CFAP251: variants seen among roughly 807,000 people sequenced by gnomAD.
CFAP251 encodes cilia and flagella associated protein 251.
CFAP251 carries 93 observed loss-of-function variants against 126.7 expected under a neutral mutation model. The observed-to-expected ratio is 0.73, with a 90% CI of 0.62 to 0.87. CFAP251 has a LOEUF of 0.87. CFAP251 is among the 40% of genes least tolerant of loss of function. The pLI is 0.00. For synonymous variants in CFAP251, 503 were observed against 506.9 expected, an observed-to-expected ratio of 0.99 and a Z score of 0.10; for missense variants, 1,287 against 1,389.2, an observed-to-expected ratio of 0.93 and a Z score of 1.17.
chr12:121,966,161 C>T (rs867490320), intron 15 of CFAP251, among the ~76,000 whole-genome samples: 2 of 30,042 alleles, frequency 6.7e-5, no homozygotes, highest in South Asian at 2.6e-3. Flanking sequence ...CCCCTCCCCT[C>T]CCCTCCCCTT....
intron 19 of CFAP251, among the ~76,000 whole-genome samples, chr12:121,980,313 G>A (rs1882588642): frequency 6.6e-6 from 1 of 152,110 alleles, no homozygotes; most frequent in Non-Finnish European, 1.5e-5. Context: ...AATGAGTGCA[G>A]CAGTCGCACC....
rs71082922 is a variant in CFAP251, at chr12:121,979,563, C to CTTTTTTTTTTTTTTTTTTTT, written c.3006+3897_3006+3898insTTTTTTTTTTTTTTTTTTTT. Among the ~76,000 whole-genome samples the CTTTTTTTTTTTTTTTTTTTT allele has an allele frequency of 1.5e-4, 13 of 84,998 alleles. 1 individual carries two copies. Among genetic ancestry groups the CTTTTTTTTTTTTTTTTTTTT allele is most frequent in the Admixed American group, 3.0e-4 (2 of 6,590 alleles). 55.8% of individuals were successfully genotyped at this position (84,998 alleles called of 152,430 possible). A position where few individuals can be genotyped will look rare whatever the true frequency, so the allele number is the denominator to read the frequency against. ...GAGATCATTAGTCAGCTTTCTTCTT[C>CTTTTTTTTTTTTTTTTTTTT]TTTTTTTTTTTTTTTTTTTGAGACA... On this transcript the variant is annotated intron_variant, in intron 19 of 21. Transcript: ENST00000288912.
Position 121,967,076 on chromosome 12 carries a change from G to T in CFAP251, c.2607+7G>T, listed in dbSNP as rs955149343. The T allele has an allele frequency of 6.2e-7, 1 of 1,611,374 alleles. No individual in the cohort carries two copies. The highest frequency in any genetic ancestry group is 1.3e-5 in the African/African-American group (1 of 74,876). On this transcript the variant is annotated splice_region_variant and intron_variant, in intron 16 of 21. Coordinates refer to ENST00000288912, the MANE Select transcript of CFAP251 (RefSeq NM_144668.6). ...GTTTATTAACAGAGACAAGGTAACA[G>T]CGCTCTCTTCTCCAGTTCTGGGAGT...
intron 19 of CFAP251, among the ~76,000 whole-genome samples, chr12:121,985,649 T>A (rs1396240823): frequency 6.6e-6 from 1 of 151,746 alleles, no homozygotes; most frequent in Non-Finnish European, 1.5e-5. Flanking sequence ...AATATTGAGA[T>A]GGAGTCTCAC....
At chr12:121,931,559 C>T (rs550948907) in intron 3 of CFAP251, among the ~76,000 whole-genome samples, 187 bp from the exon 4 acceptor site, 2 of 152,214 alleles carry the variant, frequency 1.3e-5, no homozygotes, top group South Asian at 4.2e-4. Context: ...GTAATCCACC[C>T]GCCTCAGCCT....
intron 17 of CFAP251, chr12:121,969,352 G>A: frequency 1.0e-6 from 1 of 985,370 alleles, no homozygotes. Flanking sequence ...GAGGATTTAG[G>A]AGCTGGAGGT....
In CFAP251 at chr12:121,928,670, G is replaced by GTATATA. The variant is rs373937834; in HGVS notation, c.748-3063_748-3058dup. ...TATATATATATACGTATATATATAC[G>GTATATA]TATATATATATATATATACGTATAT... On this transcript the variant is annotated intron_variant, in intron 3 of 21. Coordinates refer to ENST00000288912, the MANE Select transcript of CFAP251 (RefSeq NM_144668.6). 1.4e-4 allele frequency among the ~76,000 whole-genome samples: 7 copies of GTATATA among 50,882 alleles called. No individual in the cohort carries two copies. In the East Asian group the frequency reaches 2.2e-3, roughly 16 times the overall value. The allele number at this position is 50,882 out of a possible 152,430, so 33.4% of individuals were successfully genotyped here. A position where few individuals can be genotyped will look rare whatever the true frequency, so the allele number is the denominator to read the frequency against.
rs1215245340 is a variant in CFAP251 at position 121,974,442 on chromosome 12, A to AG, written c.2772-796dup. 2.0e-5 allele frequency among the ~76,000 whole-genome samples: 3 copies of AG among 152,176 alleles called. No homozygotes were observed. The highest frequency in any genetic ancestry group is 3.8e-4 in the East Asian group (2 of 5,196). On this transcript the variant is annotated intron_variant, in intron 17 of 21. Coordinates refer to ENST00000288912, the MANE Select transcript of CFAP251 (RefSeq NM_144668.6). The surrounding 1 kb of genome is among the most constrained non-coding windows in gnomAD (Gnocchi z 4.6). The stretch of plus-strand genomic sequence containing the variant: ...TTTTATAGTGGAGGACACTGATGCC[A>AG]GGGGGGTTAAGTCACCTCCCCAGAA...
At chr12:121,920,675 C>T (rs1435657772) in intron 1 of CFAP251, among the ~76,000 whole-genome samples, 6 of 152,228 alleles carry the variant, frequency 3.9e-5, no homozygotes, top group Admixed American at 3.3e-4. Context: ...GGATTACAGG[C>T]GTGAGCCACC....
Position 121,919,145 on chromosome 12 carries a change from T to TATTA in CFAP251, c.-21+450_-21+451insATTA, listed in dbSNP as rs78789550. Among the ~76,000 whole-genome samples the TATTA allele has an allele frequency of 1.6e-3, 226 of 138,252 alleles. 1 individual carries two copies. The highest frequency in any genetic ancestry group is 5.0e-3 in the Admixed American group (69 of 13,838). The allele number at this position is 138,252 out of a possible 152,430, so 90.7% of individuals were successfully genotyped here. A position where few individuals can be genotyped will look rare whatever the true frequency, so the allele number is the denominator to read the frequency against. ...ATTTATTTATTATTATTATTATTAT[T>TATTA]TTTTTTTTACCAGAGATGAATTTGA... On this transcript the variant is annotated intron_variant, in intron 1 of 21. Coordinates refer to ENST00000288912, the MANE Select transcript of CFAP251 (RefSeq NM_144668.6).
intron 15 of CFAP251, among the ~76,000 whole-genome samples, chr12:121,966,656 G>A (rs1419842067): frequency 2.2e-5 from 3 of 134,962 alleles, no homozygotes. Flanking sequence ...CGTAATCTCA[G>A]CTCACTGCAG....
chr12:121,982,451 T>G lies in CFAP251; in HGVS notation c.3006+6766T>G, dbSNP rs561692138. On this transcript the variant is annotated intron_variant, in intron 19 of 21. Transcript: ENST00000288912. ...CTGGAGTGCAATGGCGCCATCTCAG[T>G]TCACCGCACCTCCACCTCTCGGGTT... Among the ~76,000 whole-genome samples, 5 of 151,952 alleles carry G rather than the reference T, an allele frequency of 3.3e-5. No homozygotes were observed. The South Asian group carries it at 1.0e-3, about 32-fold the overall frequency.
chr12:121,944,346 C>T (rs1218535773), intron 7 of CFAP251, among the ~76,000 whole-genome samples: 3 of 152,080 alleles, frequency 2.0e-5, no homozygotes, highest in African/African-American at 7.2e-5. Context: ...TTTCTTTCTC[C>T]TTAAGGTTGT....
At chr12:121,983,246 T>C (rs2135805674) in intron 19 of CFAP251, among the ~76,000 whole-genome samples, 1 of 151,226 alleles carries the variant, frequency 6.6e-6, no homozygotes, top group East Asian at 2.0e-4. Flanking sequence ...AAAAAAAAAT[T>C]AGTTGGGGAT....
At chr12:121,975,201 G>A (rs1456531543) in intron 17 of CFAP251, 43 bp from the exon 18 acceptor site, 2 of 1,571,182 alleles carry the variant, frequency 1.3e-6, no homozygotes. Flanking sequence ...CCATGCTCAT[G>A]CTTGAGCGCT....
At position 121,928,706 on chromosome 12, in the gene CFAP251, T is replaced by TATA. The variant is rs1565902853; in HGVS notation, c.748-3040_748-3039insATA. ...TATATATACGTATATATATATATAT[T>TATA]TTTTTTTTGAGACAGGGTCTTGCTC... On this transcript the variant is annotated intron_variant, in intron 3 of 21. Transcript: ENST00000288912. 1.6e-3 allele frequency among the ~76,000 whole-genome samples: 55 copies of TATA among 34,678 alleles called. 2 individuals are homozygous for TATA. Among genetic ancestry groups the TATA allele is most frequent in the African/African-American group, 3.3e-3 (47 of 14,374 alleles). 22.8% of individuals were successfully genotyped at this position (34,678 alleles called of 152,430 possible).
At chr12:122,001,948 C>G (rs764318286) in intron 21 of CFAP251, 1 of 277,106 alleles carries the variant, frequency 3.6e-6, no homozygotes, top group African/African-American at 2.1e-5. Context: ...GGGGGCCAGG[C>G]ACCATGGCTC....
chr12:121,920,685 C>T (rs1220489716), intron 1 of CFAP251, among the ~76,000 whole-genome samples: 1 of 151,768 alleles, frequency 6.6e-6, no homozygotes, highest in African/African-American at 2.4e-5. Context: ...CGTGAGCCAC[C>T]ACGCCCGGCC....
chr12:122,002,235 A>G (rs1042845239), intron 21 of CFAP251, among the ~76,000 whole-genome samples: 9 of 152,290 alleles, frequency 5.9e-5, no homozygotes, highest in Middle Eastern at 3.4e-3. Context: ...CACACCTGTA[A>G]TCCCAGTTAC....
Sources: gnomAD v4.1 joint callset for allele counts (sites outside exome capture counted in the v4.1 genomes callset) on GRCh38, gnomAD v4.1.1 for gene constraint, Gnocchi (gnomAD v3.1) non-coding constraint, MANE v1.5 for transcripts, NCBI Gene and HGNC (gene_info 2026-07-23, HGNC 2026-07-21) for gene names.